Variants in MRTFA observed in about 807,000 individuals in gnomAD.
MRTFA encodes the protein myocardin related transcription factor A, also known as myocardin-related transcription factor A.
Under a neutral mutation model 83.5 loss-of-function variants are expected in MRTFA, and 20 were observed. The observed-to-expected ratio is 0.24, with a 90% CI of 0.17 to 0.35. MRTFA has a LOEUF of 0.35. Among genes scored for constraint, MRTFA ranks in the 10% least tolerant of loss-of-function variants. The pLI is 1.00. For missense variants in MRTFA, 1,200 were observed against 1,224.7 expected, an observed-to-expected ratio of 0.98 and a Z score of 0.30; for synonymous variants, 659 against 541.2, an observed-to-expected ratio of 1.22 and a Z score of -3.02.
At chr22:40,467,004 C>G (rs147434039) in intron 3 of MRTFA, among the ~76,000 whole-genome samples, 2 of 151,814 alleles carry the variant, frequency 1.3e-5, no homozygotes, top group East Asian at 3.9e-4. Flanking sequence ...CACACATATA[C>G]AGCTCCAGTA....
intron 4 of MRTFA, among the ~76,000 whole-genome samples, chr22:40,449,908 G>A (rs192292685): frequency 5.5e-4 from 84 of 152,282 alleles, no homozygotes; most frequent in Admixed American, 3.0e-3. Flanking sequence ...TTTATCAGGG[G>A]CATGGTAGTC....
Position 40,492,250 on chromosome 22 carries a change from C to T in MRTFA, c.242-28964G>A, listed in dbSNP as rs554276878. On this transcript the variant is annotated intron_variant, in intron 3 of 14. Coordinates refer to ENST00000355630, the MANE Select transcript of MRTFA (RefSeq NM_020831.6). ...CCTGCTCTTTAAGTTAAAGTGGGCA[C>T]TTCATTCTACAGTGCAAAGGGTTGC... Among the ~76,000 whole-genome samples the T allele has an allele frequency of 6.6e-5, 10 of 152,296 alleles. No individual in the cohort carries two copies. In the South Asian group the frequency reaches 1.9e-3, roughly 28 times the overall value.
chr22:40,484,276 A>C (rs2054139920), intron 3 of MRTFA, among the ~76,000 whole-genome samples: 1 of 152,196 alleles, frequency 6.6e-6, no homozygotes, highest in Admixed American at 6.5e-5. Context: ...AGTCTGCAGC[A>C]AAATTTGTCT....
chr22:40,424,432 G>A (rs745970925), intron 7 of MRTFA, 51 bp from the exon 8 acceptor site: 101 of 1,589,136 alleles, frequency 6.4e-5, no homozygotes, highest in Non-Finnish European at 8.2e-5. Flanking sequence ...GGGAACAGAT[G>A]AGCAGGGACA....
rs577421043 is a variant in MRTFA at position 40,465,269 on chromosome 22, G to A, written c.242-1983C>T. 3.3e-5 allele frequency among the ~76,000 whole-genome samples: 5 copies of A among 152,254 alleles called. No individual in the cohort carries two copies. In the East Asian group the frequency reaches 9.6e-4, roughly 29 times the overall value. ...TGGAGAGAAGAGAATATCCCTTACTGATATATGTCCCCCATAGCACTTAAT... is the reference window on the plus strand; with the variant it reads ...TGGAGAGAAGAGAATATCCCTTACTAATATATGTCCCCCATAGCACTTAAT... On this transcript the variant is annotated intron_variant, in intron 3 of 14. Transcript: ENST00000355630.
At chr22:40,470,229 T>A (rs1244250482) in intron 3 of MRTFA, among the ~76,000 whole-genome samples, 1 of 58,774 alleles carries the variant, frequency 1.7e-5, no homozygotes, top group African/African-American at 8.3e-5. Flanking sequence ...ATCTCCAAAA[T>A]TTTATATATA....
chr22:40,629,396 A>G (rs1166173017), intron 1 of MRTFA, among the ~76,000 whole-genome samples: 3 of 151,314 alleles, frequency 2.0e-5, no homozygotes, highest in Admixed American at 6.6e-5. Context: ...CAGTGAGCCA[A>G]GATCGAACCA....
intron 3 of MRTFA, among the ~76,000 whole-genome samples, chr22:40,510,803 A>G (rs2147241395): frequency 6.6e-6 from 1 of 152,246 alleles, no homozygotes; most frequent in South Asian, 2.1e-4. Flanking sequence ...GACAGCACAC[A>G]TCTCAGAAGA....
chr22:40,472,109 T>TA (rs1349719320), intron 3 of MRTFA, among the ~76,000 whole-genome samples: 1 of 152,210 alleles, frequency 6.6e-6, no homozygotes, highest in Admixed American at 6.5e-5. Flanking sequence ...TCTGTATCCT[T>TA]ATCCCTGTAA....
At chr22:40,584,637 G>A (rs896308829) in intron 2 of MRTFA, among the ~76,000 whole-genome samples, 3 of 151,200 alleles carry the variant, frequency 2.0e-5, no homozygotes, top group African/African-American at 7.3e-5. Context: ...TCGGGAGACC[G>A]TAGCAGGAGA....
chr22:40,449,060 T>C (rs1378182352), intron 4 of MRTFA, among the ~76,000 whole-genome samples: 1 of 152,006 alleles, frequency 6.6e-6, no homozygotes, highest in Non-Finnish European at 1.5e-5. Context: ...GGTCAGGACA[T>C]TGAGACCATC....
chr22:40,569,775 ACAT>A (rs1039688590), intron 2 of MRTFA: 1 of 126,490 alleles, frequency 7.9e-6, no homozygotes. Flanking sequence ...ATACATACAT[ACAT>A]CAAGGGGGTG....
intron 1 of MRTFA, among the ~76,000 whole-genome samples, chr22:40,630,768 T>C (rs1418946009): frequency 6.6e-6 from 1 of 152,202 alleles, no homozygotes; most frequent in Non-Finnish European, 1.5e-5. Flanking sequence ...AGTGGTGTGA[T>C]CACAGCTCAT....
chr22:40,507,405 C>T (rs913700898), intron 3 of MRTFA, among the ~76,000 whole-genome samples: 4 of 151,620 alleles, frequency 2.6e-5, no homozygotes, highest in African/African-American at 9.7e-5. Flanking sequence ...AGCTGGGCGC[C>T]AGGGCTCACT....
chr22:40,454,062 T>C (rs6001920), intron 4 of MRTFA, among the ~76,000 whole-genome samples: 18,873 of 152,186 alleles, frequency 0.12, 1,369 homozygotes, highest in East Asian at 0.24. Flanking sequence ...TTTATAGCAA[T>C]TGTCTTTTAA....
At chr22:40,561,053 T>G (rs1381053464) in intron 2 of MRTFA, among the ~76,000 whole-genome samples, 3 of 152,178 alleles carry the variant, frequency 2.0e-5, no homozygotes, top group Admixed American at 6.6e-5. Flanking sequence ...AATCAATTAA[T>G]GAACTTTCTT....
intron 3 of MRTFA, among the ~76,000 whole-genome samples, chr22:40,478,368 T>C (rs923980482): frequency 2.0e-5 from 3 of 152,196 alleles, no homozygotes; most frequent in Non-Finnish European, 4.4e-5. Context: ...ACCATAGTTA[T>C]GTAAGATGCT....
intron 3 of MRTFA, 171 bp from the exon 4 acceptor site, chr22:40,463,457 G>A (rs971496520): frequency 2.1e-5 from 12 of 584,540 alleles, no homozygotes; most frequent in Non-Finnish European, 3.7e-5. Context: ...ATACAGCAGA[G>A]TTTCCGTATT....
chr22:40,410,411 C>T lies in MRTFA; in HGVS notation c.*979G>A, dbSNP rs1602181317. ...GCCCAGAATGTGAAGCCAGTGGCCC[C>T]AGGGCAGGAGATGGCCACCCCTCAG... is the stretch of plus-strand genomic sequence containing the variant. On this transcript the variant is annotated 3_prime_UTR_variant, in exon 15 of 15. Coordinates refer to ENST00000355630, the MANE Select transcript of MRTFA (RefSeq NM_020831.6). 2 of 236,602 alleles carry T rather than the reference C, an allele frequency of 8.5e-6. No homozygotes were observed. Among genetic ancestry groups the T allele is most frequent in the East Asian group, 1.2e-4 (2 of 16,550 alleles). 14.7% of individuals were successfully genotyped at this position (236,602 alleles called of 1,614,324 possible). A position where few individuals can be genotyped will look rare whatever the true frequency, so the allele number is the denominator to read the frequency against.
Sources: gnomAD v4.1 joint callset for allele counts (sites outside exome capture counted in the v4.1 genomes callset) on GRCh38, gnomAD v4.1.1 for gene constraint, MANE v1.5 for transcripts, NCBI Gene and HGNC (gene_info 2026-07-23, HGNC 2026-07-21) for gene names.